Variants in MTAP observed in about 807,000 individuals in gnomAD.
MTAP encodes methylthioadenosine phosphorylase.
In MTAP, 33 loss-of-function variants were observed where a neutral mutation model predicts 33.6. The observed-to-expected ratio is 0.98, with a 90% CI of 0.74 to 1.31. The LOEUF is 1.31. MTAP is among the 40% of genes most tolerant of loss of function. The probability of loss-of-function intolerance (pLI) is 0.00; values close to 1 mark genes in which losing one functional copy is unlikely to be tolerated. For missense variants in MTAP, 367 were observed against 360.0 expected, an observed-to-expected ratio of 1.02 and a Z score of -0.16; for synonymous variants, 148 against 125.7, an observed-to-expected ratio of 1.18 and a Z score of -1.19.
intron 1 of MTAP, among the ~76,000 whole-genome samples, chr9:21,898,638 A>G (rs1818337396): frequency 6.6e-6 from 1 of 152,242 alleles, no homozygotes; most frequent in Non-Finnish European, 1.5e-5. Context: ...AAAAATGTTC[A>G]TCATCACTGG....
chr9:21,887,326 G>T (rs201765496), intron 1 of MTAP, among the ~76,000 whole-genome samples: 3 of 151,204 alleles, frequency 2.0e-5, no homozygotes, highest in East Asian at 2.0e-4. Context: ...GTGTTCTCAT[G>T]GTTCAATTCC....
chr9:21,888,983 C>T (rs998692526), intron 1 of MTAP, among the ~76,000 whole-genome samples: 1 of 152,072 alleles, frequency 6.6e-6, no homozygotes, highest in Non-Finnish European at 1.5e-5. Flanking sequence ...GGGGTCCTAT[C>T]TTTAGCCTCC....
At chr9:21,818,243 T>C in intron 4 of MTAP, 41 bp downstream of exon 4, 1 of 1,594,696 alleles carries the variant, frequency 6.3e-7, no homozygotes, top group Non-Finnish European at 8.6e-7. Flanking sequence ...TTGTAGCTGG[T>C]CATTTTCAGC....
chr9:21,891,100 A>G (rs76099863), intron 1 of MTAP, among the ~76,000 whole-genome samples: 1,867 of 152,322 alleles, frequency 0.012, 39 homozygotes, highest in African/African-American at 0.041. Flanking sequence ...TAGTCAAACC[A>G]TCAAGGGAAC....
intron 5 of MTAP, among the ~76,000 whole-genome samples, chr9:21,851,330 TTCC>T (rs1825506761): frequency 6.6e-6 from 1 of 152,228 alleles, no homozygotes; most frequent in Admixed American, 6.5e-5. Context: ...TCATGAGTAT[TTCC>T]TCCTCCTTTT....
At position 21,815,487 on chromosome 9, in the gene MTAP, A is replaced by T. The variant is rs1199703876; in HGVS notation, c.88A>T (p.Thr30Ser). 1 of 1,612,184 alleles carries T rather than the reference A, an allele frequency of 6.2e-7. No individual in the cohort carries two copies. The highest frequency in any genetic ancestry group is 2.2e-5 in the East Asian group (1 of 44,840). The change falls in exon 2 of 8, where the codon ACT becomes TCT. Residue 30 changes from threonine to serine, a missense_variant. By Grantham distance (58) the Thr-to-Ser change is moderately conservative (BLOSUM62 1). Transcript: ENST00000644715. ...TGATCCAGAAATTTTAGAAGGAAGA[A>T]CTGAAAAATATGTGGATACTCCATT... ...LDDPEILEGR[T>S]EKYVDTPFGK...
chr9:21,859,272 C>G, intron 6 of MTAP, 31 bp from the exon 7 acceptor site: 1 of 1,580,486 alleles, frequency 6.3e-7, no homozygotes, highest in Non-Finnish European at 8.6e-7. Flanking sequence ...ATTTTAAGTT[C>G]TAGTAACCTC....
intron 5 of MTAP, among the ~76,000 whole-genome samples, chr9:21,848,790 C>T (rs779048888): frequency 6.6e-6 from 1 of 152,116 alleles, no homozygotes; most frequent in Non-Finnish European, 1.5e-5. Flanking sequence ...TCAGATCTAA[C>T]TGTGGGAACC....
At chr9:21,868,823 C>A (rs113858184), downstream of MTAP, among the ~76,000 whole-genome samples, 23 of 152,282 alleles carry the variant, frequency 1.5e-4, 1 homozygote, top group African/African-American at 5.3e-4. Context: ...AACGGGAGCA[C>A]GCATCGTCAT....
intron 5 of MTAP, among the ~76,000 whole-genome samples, chr9:21,853,456 G>A (rs10124950): frequency 0.013 from 1,921 of 152,236 alleles, 41 homozygotes; most frequent in African/African-American, 0.041. Flanking sequence ...ATTTTGAGTT[G>A]CCAAGACTCT....
downstream of MTAP, among the ~76,000 whole-genome samples, chr9:21,940,706 GATTC>G (rs141534833): frequency 0.11 from 16,503 of 152,140 alleles, 925 homozygotes; most frequent in East Asian, 0.2. Context: ...AAGTGGAAGA[GATTC>G]ATGGGGCAAG....
intron 1 of MTAP, among the ~76,000 whole-genome samples, chr9:21,881,621 C>T (rs542127774): frequency 2.0e-5 from 3 of 151,956 alleles, no homozygotes; most frequent in Non-Finnish European, 4.4e-5. Context: ...AACCAATAAA[C>T]ATGCATTGCT....
At chr9:21,938,228 C>G (rs1169441292), downstream of MTAP, among the ~76,000 whole-genome samples, 2 of 150,120 alleles carry the variant, frequency 1.3e-5, no homozygotes, top group Non-Finnish European at 3.0e-5. Flanking sequence ...GAGCCAAGAT[C>G]ACACCACTGC....
At chr9:21,810,916 T>C (rs1036437178) in intron 1 of MTAP, among the ~76,000 whole-genome samples, 7 of 152,172 alleles carry the variant, frequency 4.6e-5, no homozygotes, top group African/African-American at 1.7e-4. Context: ...CCTGAGACAG[T>C]TGGTTGCTCC....
At chr9:21,918,127 G>A (rs1818723178) in intron 1 of MTAP, among the ~76,000 whole-genome samples, 2 of 148,098 alleles carry the variant, frequency 1.4e-5, no homozygotes, top group Admixed American at 1.3e-4. Flanking sequence ...GAGGCGGGCG[G>A]ATCACGAGGT....
At chr9:21,828,465 G>T (rs1824878652) in intron 4 of MTAP, among the ~76,000 whole-genome samples, 1 of 152,152 alleles carries the variant, frequency 6.6e-6, no homozygotes, top group Non-Finnish European at 1.5e-5. Flanking sequence ...CCTGAGGTCA[G>T]GAGTTCGAGA....
At position 21,862,773 on chromosome 9, in the gene MTAP, G is replaced by T; in HGVS notation, c.*759G>T. On this transcript the variant is annotated 3_prime_UTR_variant, in exon 8 of 8. Coordinates refer to ENST00000644715, the MANE Select transcript of MTAP (RefSeq NM_002451.4). ...TACTAGTTTTGCTTTAAAATGCTAT[G>T]TAAATATACAAAAAAACTAGAAAGA... The T allele has an allele frequency of 4.1e-6, 1 of 244,678 alleles. No homozygotes were observed. Among genetic ancestry groups the T allele is most frequent in the Non-Finnish European group, 6.5e-6 (1 of 154,314 alleles). 15.2% of individuals were successfully genotyped at this position (244,678 alleles called of 1,614,324 possible).
chr9:21,860,063 C>G (rs1825722750), intron 7 of MTAP: 1 of 152,120 alleles, frequency 6.6e-6, no homozygotes, highest in Non-Finnish European at 1.5e-5. Context: ...GGACCATACC[C>G]CAAAGTCTCC....
chr9:21,835,154 C>T (rs1825073782), intron 4 of MTAP, among the ~76,000 whole-genome samples: 1 of 152,158 alleles, frequency 6.6e-6, no homozygotes, highest in South Asian at 2.1e-4. Flanking sequence ...CGACCTAGCT[C>T]TCTGGGATCT....
Sources: gnomAD v4.1 joint callset for allele counts (sites outside exome capture counted in the v4.1 genomes callset) on GRCh38, gnomAD v4.1.1 for gene constraint, MANE v1.5 for transcripts, NCBI Gene and HGNC (gene_info 2026-07-23, HGNC 2026-07-21) for gene names.